The following MCOLN2 variants were observed in gnomAD, a reference collection of about 807,000 sequenced individuals.
MCOLN2 encodes mucolipin TRP cation channel 2, also known as mucolipin-2.
Under a neutral mutation model 67.5 loss-of-function variants are expected in MCOLN2, and 57 were observed. That is an observed-to-expected ratio of 0.84 (90% confidence interval 0.68 to 1.05). The LOEUF is 1.05. MCOLN2 is among the 50% of genes least tolerant of loss of function. The pLI is 0.00. For missense variants in MCOLN2, 620 were observed against 678.8 expected (o/e 0.91, Z 0.96); for synonymous variants, 246 against 233.3 (o/e 1.05, Z -0.50).
At chr1:84,940,295 G>T (rs1456056299) in intron 8 of MCOLN2, among the ~76,000 whole-genome samples, 1 of 152,162 alleles carries the variant, frequency 6.6e-6, no homozygotes, top group African/African-American at 2.4e-5. Context: ...GGTACTCTGT[G>T]GACTTCCAAT....
intron 1 of MCOLN2, among the ~76,000 whole-genome samples, chr1:84,975,196 G>C (rs1409282274): frequency 1.3e-5 from 2 of 152,162 alleles, no homozygotes; most frequent in African/African-American, 4.8e-5. Flanking sequence ...GCAGACACAG[G>C]AAGTAGCCAG....
chr1:84,932,994 C>T (rs1316259435), intron 11 of MCOLN2, among the ~76,000 whole-genome samples: 1 of 152,206 alleles, frequency 6.6e-6, no homozygotes, highest in Non-Finnish European at 1.5e-5. Flanking sequence ...TATGCAGCCT[C>T]ATCACATCTC....
chr1:84,937,983 T>A lies in MCOLN2; in HGVS notation c.1210A>T (p.Asn404Tyr). The part of the protein sequence containing the change: ...IRYLGYFQAY[N>Y]VLILTMQASL... ...ACTACCCGGTGCCGCATCCTTACAT[T>A]ATATGCCTGGAAATAACCCAGGTAT... is the stretch of plus-strand genomic sequence containing the variant. Residue 404 changes from asparagine (N) to tyrosine (Y), a missense_variant and splice_region_variant, in exon 10 of 14, where the codon AAT becomes TAT. Physicochemically the swap from Asn to Tyr is moderately radical, Grantham distance 143. Transcript: ENST00000370608. 1 of 1,613,598 alleles carries A rather than the reference T, an allele frequency of 6.2e-7. No homozygotes were observed. The highest frequency in any genetic ancestry group is 8.5e-7 in the Non-Finnish European group (1 of 1,179,522).
intron 1 of MCOLN2, among the ~76,000 whole-genome samples, chr1:84,967,431 AT>A (rs1031927893): frequency 3.3e-5 from 5 of 152,158 alleles, no homozygotes; most frequent in African/African-American, 1.2e-4. Context: ...CTTGTGGGTC[AT>A]TTTTTAAGGT....
At position 84,937,816 on chromosome 1, in the gene MCOLN2, C is replaced by T. The variant is rs1346134990; in HGVS notation, c.1274G>A (p.Gly425Asp). Residue 425 changes from glycine (G) to aspartate (D), a missense_variant, in exon 11 of 14, where the codon GGT becomes GAT. Coordinates refer to ENST00000370608, the MANE Select transcript of MCOLN2 (RefSeq NM_153259.4). ...PKVLRFCACA[G>D]MIYLGYTFCG... The stretch of plus-strand genomic sequence containing the variant: ...GAATGTGTAACCCAGATAAATCATA[C>T]CAGCACAAGCACAAAACCGAAGAAC... The T allele has an allele frequency of 3.1e-6, 5 of 1,614,110 alleles. No homozygotes were observed. In the South Asian group the frequency reaches 5.5e-5, roughly 18 times the overall value.
At chr1:84,956,983 G>A (rs1376094728) in intron 3 of MCOLN2, among the ~76,000 whole-genome samples, 4 of 152,006 alleles carry the variant, frequency 2.6e-5, no homozygotes, top group Non-Finnish European at 5.9e-5. Flanking sequence ...ATACCCGCTC[G>A]GTTTACTCAC....
At chr1:84,975,211 T>C (rs536975735) in intron 1 of MCOLN2, among the ~76,000 whole-genome samples, 1 of 151,940 alleles carries the variant, frequency 6.6e-6, no homozygotes, top group African/African-American at 2.4e-5. Context: ...AGCCAGGGAG[T>C]AGTTACAGCC....
chr1:84,931,249 A>G (rs545557531), intron 12 of MCOLN2, 113 bp downstream of exon 12: 30 of 744,652 alleles, frequency 4.0e-5, no homozygotes, highest in South Asian at 3.5e-4. Flanking sequence ...GTTTGTCCAC[A>G]AAACCTCAAA....
At chr1:84,940,338 G>A (rs927408407) in intron 8 of MCOLN2, among the ~76,000 whole-genome samples, 3 of 152,158 alleles carry the variant, frequency 2.0e-5, no homozygotes, top group African/African-American at 4.8e-5. Context: ...TTGTACACAC[G>A]CCACAGCCAG....
chr1:84,969,506 G>A (rs1010383714), intron 1 of MCOLN2, among the ~76,000 whole-genome samples: 1 of 151,532 alleles, frequency 6.6e-6, no homozygotes, highest in African/African-American at 2.4e-5. Flanking sequence ...GGGAGGCAGA[G>A]GTTGCAGTAA....
chr1:84,991,212 G>T (rs1181135474), intron 1 of MCOLN2, among the ~76,000 whole-genome samples: 1 of 152,098 alleles, frequency 6.6e-6, no homozygotes, highest in African/African-American at 2.4e-5. Context: ...GTTTGTGCAC[G>T]ACTGGTTTGG....
At chr1:84,938,105 G>A (rs751974893) in intron 9 of MCOLN2, 23 bp from the exon 10 acceptor site, 2 of 1,532,956 alleles carry the variant, frequency 1.3e-6, no homozygotes, top group Non-Finnish European at 1.8e-6. Context: ...AAAAAAGAAA[G>A]AGAGAAATGA....
intron 1 of MCOLN2, among the ~76,000 whole-genome samples, chr1:84,972,935 T>C (rs182312956): frequency 6.6e-6 from 1 of 152,314 alleles, no homozygotes; most frequent in East Asian, 1.9e-4. Flanking sequence ...CAGGATGCTA[T>C]TGCCTTTGGC....
chr1:84,984,299 C>T (rs1423508883), intron 1 of MCOLN2, among the ~76,000 whole-genome samples: 1 of 152,204 alleles, frequency 6.6e-6, no homozygotes, highest in East Asian at 1.9e-4. Context: ...CCAACTATAA[C>T]TTTATCACCA....
At chr1:84,993,055 C>T (rs755563884) in intron 1 of MCOLN2, among the ~76,000 whole-genome samples, 25 of 152,232 alleles carry the variant, frequency 1.6e-4, no homozygotes, top group Non-Finnish European at 2.8e-4. Flanking sequence ...GGAGTCAGTC[C>T]TCTCAAACCT....
intron 1 of MCOLN2, among the ~76,000 whole-genome samples, chr1:84,983,562 G>A (rs1053924974): frequency 6.6e-6 from 1 of 150,628 alleles, no homozygotes; most frequent in Non-Finnish European, 1.5e-5. Context: ...GAGACACTGC[G>A]CCTGGTCTGT....
At position 84,925,739 on chromosome 1, in the gene MCOLN2, C is replaced by A. The variant is rs1557623093; in HGVS notation, c.*946G>T. ...ATGTGTGTACAACTGACCATTAGCACAAGTGACGAGGCAGCCAAATGATTC... is the reference window on the plus strand; with the variant it reads ...ATGTGTGTACAACTGACCATTAGCAAAAGTGACGAGGCAGCCAAATGATTC... On this transcript the variant is annotated 3_prime_UTR_variant, in exon 14 of 14. Coordinates refer to ENST00000370608, the MANE Select transcript of MCOLN2 (RefSeq NM_153259.4). 6.6e-6 allele frequency: 1 copy of A among 152,226 alleles called. No individual in the cohort carries two copies. The allele number at this position is 152,226 out of a possible 1,614,324, so 9.4% of individuals were successfully genotyped here. A position where few individuals can be genotyped will look rare whatever the true frequency, so the allele number is the denominator to read the frequency against.
intron 1 of MCOLN2, among the ~76,000 whole-genome samples, chr1:84,987,577 CATAGATATATACATATGTAT>C (rs1557665994): frequency 5.3e-5 from 4 of 75,262 alleles, no homozygotes; most frequent in Non-Finnish European, 1.0e-4. Context: ...TAGATGTATA[CATAGATATATACATATGTAT>C]ATAGATGTAT....
chr1:84,955,903 C>T (rs531281372), intron 4 of MCOLN2, among the ~76,000 whole-genome samples: 1 of 152,254 alleles, frequency 6.6e-6, no homozygotes, highest in African/African-American at 2.4e-5. Context: ...CCAAACACCT[C>T]GTATTTACAT....
Sources: allele counts gnomAD v4.1 joint callset (sites outside exome capture counted in the v4.1 genomes callset), GRCh38; gene constraint gnomAD v4.1.1; transcripts MANE v1.5; gene names NCBI Gene and HGNC (gene_info 2026-07-23, HGNC 2026-07-21).